Variants in ST6GALNAC3 observed in about 807,000 individuals in gnomAD.
The protein encoded by ST6GALNAC3 is ST6 N-acetylgalactosaminide alpha-2,6-sialyltransferase 3.
ST6GALNAC3 carries 25 observed loss-of-function variants against 32.7 expected under a neutral mutation model. The ratio of observed to expected loss-of-function variants is 0.76; its 90% CI spans 0.56 to 1.07. The LOEUF is 1.07. ST6GALNAC3 is among the 50% of genes least tolerant of loss of function. The pLI, the probability that ST6GALNAC3 is intolerant of heterozygous loss-of-function variation, is 0.00. For synonymous variants in ST6GALNAC3, 129 were observed against 133.1 expected, an observed-to-expected ratio of 0.97 and a Z score of 0.21; for missense variants, 355 against 382.4, an observed-to-expected ratio of 0.93 and a Z score of 0.60.
intron 1 of ST6GALNAC3, among the ~76,000 whole-genome samples, chr1:76,107,432 C>G (rs1412647282): frequency 6.6e-6 from 1 of 152,098 alleles, no homozygotes; most frequent in South Asian, 2.1e-4. Flanking sequence ...GAAGGTATGG[C>G]CAAGACTCAA....
intron 3 of ST6GALNAC3, among the ~76,000 whole-genome samples, chr1:76,418,383 T>C (rs1654791240): frequency 6.6e-6 from 1 of 151,320 alleles, no homozygotes; most frequent in Admixed American, 6.6e-5. Context: ...AGCTTGAAGG[T>C]GGAGGGCAAA....
intron 1 of ST6GALNAC3, among the ~76,000 whole-genome samples, chr1:76,191,699 A>C (rs1167526385): frequency 6.6e-6 from 1 of 152,084 alleles, no homozygotes; most frequent in East Asian, 1.9e-4. Flanking sequence ...GAAGAGAAAG[A>C]AGAGGTGGCT....
At chr1:76,192,421 A>T (rs1282498652) in intron 1 of ST6GALNAC3, among the ~76,000 whole-genome samples, 1 of 152,170 alleles carries the variant, frequency 6.6e-6, no homozygotes, top group African/African-American at 2.4e-5. Context: ...TTGGAAAAAG[A>T]GTTTTTGAAG....
rs1649409874 is a variant in ST6GALNAC3 at position 76,633,767 on chromosome 1, C to A, written c.*4961C>A. ...AAGGTGAATGAAAGCCCCACATGTC[C>A]CGCAAGACTTAGTCTGCATAAAAGA... On this transcript the variant is annotated 3_prime_UTR_variant, in exon 5 of 5. Transcript: ENST00000328299. 1 of 152,116 alleles carries A rather than the reference C, an allele frequency of 6.6e-6. No individual in the cohort carries two copies. Among genetic ancestry groups the A allele is most frequent in the Admixed American group, 6.6e-5 (1 of 15,242 alleles). 9.4% of individuals were successfully genotyped at this position (152,116 alleles called of 1,614,324 possible). A position where few individuals can be genotyped will look rare whatever the true frequency, so the allele number is the denominator to read the frequency against.
chr1:76,285,905 C>T (rs893096791), intron 1 of ST6GALNAC3, among the ~76,000 whole-genome samples: 1 of 152,002 alleles, frequency 6.6e-6, no homozygotes, highest in African/African-American at 2.4e-5. Flanking sequence ...CAGACACACA[C>T]CCCCGCGCCC....
intron 1 of ST6GALNAC3, among the ~76,000 whole-genome samples, chr1:76,198,000 C>T (rs1316198307): frequency 1.3e-5 from 2 of 151,646 alleles, no homozygotes; most frequent in African/African-American, 4.8e-5. Flanking sequence ...ACAACTGTTA[C>T]AGAGTTTTGC....
chr1:76,141,910 G>T (rs1029502166), intron 1 of ST6GALNAC3, among the ~76,000 whole-genome samples: 5 of 152,144 alleles, frequency 3.3e-5, no homozygotes, highest in African/African-American at 1.2e-4. Flanking sequence ...CAATATACAC[G>T]TGAAGACAGG....
chr1:76,467,005 T>G (rs1040593886), intron 3 of ST6GALNAC3, among the ~76,000 whole-genome samples: 1 of 152,080 alleles, frequency 6.6e-6, no homozygotes, highest in African/African-American at 2.4e-5. Flanking sequence ...TATTCGCACT[T>G]TCCTTAAGAT....
At chr1:76,292,726 G>A (rs570592595) in intron 1 of ST6GALNAC3, among the ~76,000 whole-genome samples, 3 of 152,094 alleles carry the variant, frequency 2.0e-5, no homozygotes, top group Non-Finnish European at 4.4e-5. Flanking sequence ...TCCTCTCACC[G>A]TAGCATGTTT....
In ST6GALNAC3 at chr1:76,509,753, G is replaced by A. The variant is rs551287625; in HGVS notation, c.623+97336G>A. Among the ~76,000 whole-genome samples the A allele has an allele frequency of 3.9e-5, 6 of 152,166 alleles. No individual in the cohort carries two copies. In the South Asian group the frequency reaches 6.2e-4, roughly 16 times the overall value. ...AAGACTGCCTACATCCTTGGCTCAC[G>A]GCCCCACTCCACCAATTTCTGCTTC... On this transcript the variant is annotated intron_variant, in intron 3 of 4. Transcript: ENST00000328299. The surrounding 1 kb of genome is among the most constrained non-coding windows in gnomAD (Gnocchi z 5.5).
chr1:76,154,375 G>GAAGA, intron 1 of ST6GALNAC3, among the ~76,000 whole-genome samples: 1 of 152,260 alleles, frequency 6.6e-6, no homozygotes, highest in Admixed American at 6.5e-5. Context: ...TGAAGTCCCC[G>GAAGA]AAGAGCACTG....
At chr1:76,589,180 A>G (rs1647009045) in intron 3 of ST6GALNAC3, among the ~76,000 whole-genome samples, 1 of 152,220 alleles carries the variant, frequency 6.6e-6, no homozygotes, top group South Asian at 2.1e-4. Context: ...ATCACAGCAA[A>G]ACACTGCTTT....
chr1:76,375,162 T>G (rs188192433), intron 2 of ST6GALNAC3, among the ~76,000 whole-genome samples: 45 of 152,314 alleles, frequency 3.0e-4, no homozygotes, highest in African/African-American at 1.1e-3. Flanking sequence ...TACCCCATGT[T>G]ATTTATCAAA....
chr1:76,344,136 G>A (rs1397571781), intron 2 of ST6GALNAC3, among the ~76,000 whole-genome samples: 1 of 152,222 alleles, frequency 6.6e-6, no homozygotes, highest in Non-Finnish European at 1.5e-5. Context: ...TTCTGCTAGA[G>A]TTATGACTGA....
At chr1:76,385,899 T>G (rs1022024043) in intron 2 of ST6GALNAC3, among the ~76,000 whole-genome samples, 1 of 152,086 alleles carries the variant, frequency 6.6e-6, no homozygotes, top group African/African-American at 2.4e-5. Context: ...TGGCAGGAAT[T>G]TATGACCCTG....
At position 76,412,227 on chromosome 1, in the gene ST6GALNAC3, A is replaced by C. The variant is rs1427568779; in HGVS notation, c.433A>C (p.Lys145Gln). ...GCTAAAAAACCCTGATTATTTTTTCAAGGAAGCGAATACTACTATTTATGT... is the reference window on the plus strand; with the variant it reads ...GCTAAAAAACCCTGATTATTTTTTCCAGGAAGCGAATACTACTATTTATGT... ...LLLKNPDYFF[K>Q]EANTTIYVIW... Residue 145 changes from lysine to glutamine, a missense_variant, in exon 3 of 5, where the codon AAG becomes CAG. Transcript: ENST00000328299. The C allele has an allele frequency of 6.2e-7, 1 of 1,613,678 alleles. No homozygotes were observed. Among genetic ancestry groups the C allele is most frequent in the Non-Finnish European group, 8.5e-7 (1 of 1,179,834 alleles).
chr1:76,224,989 T>A (rs1655985680), intron 1 of ST6GALNAC3, among the ~76,000 whole-genome samples: 1 of 152,114 alleles, frequency 6.6e-6, no homozygotes, highest in Non-Finnish European at 1.5e-5. Flanking sequence ...GGGAGCTACC[T>A]AGGCAGATGG....
chr1:76,387,950 T>C (rs1652225133), intron 2 of ST6GALNAC3, among the ~76,000 whole-genome samples: 1 of 151,996 alleles, frequency 6.6e-6, no homozygotes, highest in Non-Finnish European at 1.5e-5. Flanking sequence ...CTGCTTTGGG[T>C]TTCAAGGTGA....
chr1:76,452,897 T>G (rs932288213), intron 3 of ST6GALNAC3, among the ~76,000 whole-genome samples: 4 of 152,206 alleles, frequency 2.6e-5, no homozygotes, highest in Non-Finnish European at 5.9e-5. Flanking sequence ...CAGCTGTGAA[T>G]CCATCTGGTC....
Sources: gnomAD v4.1 joint callset for allele counts (sites outside exome capture counted in the v4.1 genomes callset) on GRCh38, gnomAD v4.1.1 for gene constraint, Gnocchi (gnomAD v3.1) non-coding constraint, MANE v1.5 for transcripts, NCBI Gene and HGNC (gene_info 2026-07-23, HGNC 2026-07-21) for gene names.